The following CNTNAP2 variants were observed in gnomAD, a reference collection of about 807,000 sequenced individuals.
The protein encoded by CNTNAP2 is contactin associated protein 2.
In CNTNAP2, 98 loss-of-function variants were observed where a neutral mutation model predicts 155.2. The observed-to-expected ratio is 0.63, with a 90% confidence interval of 0.54 to 0.75. CNTNAP2 has a LOEUF of 0.75. CNTNAP2 is among the 30% of genes least tolerant of loss of function. The pLI, the probability that CNTNAP2 is intolerant of heterozygous loss-of-function variation, is 0.00. For synonymous variants in CNTNAP2, 651 were observed against 631.2 expected (o/e 1.03, Z -0.47); for missense variants, 1,727 against 1,688.1 (o/e 1.02, Z -0.40).
At position 146,849,432 on chromosome 7, in the gene CNTNAP2, T is replaced by C. The variant is rs183197680; in HGVS notation, c.402+9528T>C. Among the ~76,000 whole-genome samples the C allele has an allele frequency of 2.7e-3, 413 of 152,326 alleles. 9 individuals are homozygous for C. Among genetic ancestry groups the C allele is most frequent in the Middle Eastern group, 6.8e-3 (2 of 294 alleles). ...GGTTCAGCAAGAAGTTCCATTACTA[T>C]AATGAACCCCTGCTCATTTTGAGTA... On this transcript the variant is annotated intron_variant, in intron 3 of 23. Coordinates refer to ENST00000361727, the MANE Select transcript of CNTNAP2 (RefSeq NM_014141.6).
Position 146,945,992 on chromosome 7 carries a change from G to C in CNTNAP2, c.403-97915G>C, listed in dbSNP as rs771879193. 3.3e-5 allele frequency among the ~76,000 whole-genome samples: 5 copies of C among 152,098 alleles called. No individual in the cohort carries two copies. The East Asian group carries it at 5.8e-4, about 18-fold the overall frequency. On this transcript the variant is annotated intron_variant, in intron 3 of 23. Transcript: ENST00000361727. Reference sequence around the variant, plus strand: ...CTTCTCCAATTTAGAAGAGGGAAAGGTGGGGCCAAAGAGAGACCTTTGGTG... The same window carrying C: ...CTTCTCCAATTTAGAAGAGGGAAAGCTGGGGCCAAAGAGAGACCTTTGGTG...
intron 3 of CNTNAP2, among the ~76,000 whole-genome samples, chr7:146,903,521 A>G (rs143298050): frequency 3.3e-5 from 5 of 152,360 alleles, no homozygotes; most frequent in African/African-American, 1.2e-4. Context: ...CTTAGAAATG[A>G]CAACTTTGTT....
At chr7:146,969,477 T>A (rs1797734694) in intron 3 of CNTNAP2, among the ~76,000 whole-genome samples, 1 of 152,138 alleles carries the variant, frequency 6.6e-6, no homozygotes, top group South Asian at 2.1e-4. Flanking sequence ...AGGACTTGCT[T>A]TATGAATCTG....
chr7:146,238,809 G>A (rs552059242), intron 1 of CNTNAP2, among the ~76,000 whole-genome samples: 5 of 152,270 alleles, frequency 3.3e-5, no homozygotes, highest in East Asian at 1.9e-4. Context: ...GGGAGGCAAG[G>A]CACCTTCTTC....
chr7:147,809,785 T>C (rs892825079), intron 13 of CNTNAP2, among the ~76,000 whole-genome samples: 1 of 152,244 alleles, frequency 6.6e-6, no homozygotes, highest in Non-Finnish European at 1.5e-5. Context: ...TGAGAAAATC[T>C]ACACTGCAGA....
intron 13 of CNTNAP2, among the ~76,000 whole-genome samples, chr7:147,820,110 A>AC (rs1798339072): frequency 1.3e-5 from 2 of 152,106 alleles, no homozygotes. Flanking sequence ...TTACATATCC[A>AC]CCAGCAAAAT....
chr7:146,297,445 G>A (rs1383214684), intron 1 of CNTNAP2, among the ~76,000 whole-genome samples: 1 of 151,508 alleles, frequency 6.6e-6, no homozygotes, highest in Non-Finnish European at 1.5e-5. Flanking sequence ...GATCAAAGTA[G>A]GTAAAACCAT....
chr7:146,159,794 G>T (rs1013290805), intron 1 of CNTNAP2, among the ~76,000 whole-genome samples: 39 of 152,210 alleles, frequency 2.6e-4, no homozygotes, highest in African/African-American at 9.4e-4. Flanking sequence ...AATTATGGGA[G>T]ATTTTAACAC....
At chr7:147,445,140 A>G (rs908541600) in intron 10 of CNTNAP2, among the ~76,000 whole-genome samples, 3 of 152,198 alleles carry the variant, frequency 2.0e-5, no homozygotes, top group African/African-American at 7.2e-5. Flanking sequence ...GATTTGGGCA[A>G]GGACACAAAG....
At position 146,145,768 on chromosome 7, in the gene CNTNAP2, C is replaced by T. The variant is rs145447783; in HGVS notation, c.97+28795C>T. 5.7e-3 allele frequency among the ~76,000 whole-genome samples: 873 copies of T among 152,222 alleles called. 12 individuals carry two copies. Among genetic ancestry groups the T allele is most frequent in the African/African-American group, 0.02 (815 of 41,538 alleles). ...TCTAAAATTCAATGTATTTGTACCT[C>T]GCGTCTCTAGAAAAATTGTGTTTTA... On this transcript the variant is annotated intron_variant, in intron 1 of 23. Transcript: ENST00000361727.
intron 9 of CNTNAP2, among the ~76,000 whole-genome samples, chr7:147,376,741 A>T (rs4726850): frequency 0.16 from 24,308 of 151,820 alleles, 2,205 homozygotes; most frequent in East Asian, 0.35. Flanking sequence ...AAGAAAAAAC[A>T]TGATGCACAA....
intron 2 of CNTNAP2, among the ~76,000 whole-genome samples, chr7:146,804,106 G>A (rs2129192198): frequency 1.3e-5 from 2 of 152,166 alleles, no homozygotes; most frequent in South Asian, 4.1e-4. Context: ...TACATCTTCA[G>A]ATTATATATA....
At chr7:147,508,162 A>G (rs2116683403) in intron 11 of CNTNAP2, among the ~76,000 whole-genome samples, 1 of 152,324 alleles carries the variant, frequency 6.6e-6, no homozygotes, top group African/African-American at 2.4e-5. Flanking sequence ...CACATAGTAG[A>G]AATGTAATAA....
At chr7:147,579,216 C>T (rs1800452440) in intron 12 of CNTNAP2, among the ~76,000 whole-genome samples, 1 of 152,044 alleles carries the variant, frequency 6.6e-6, no homozygotes, top group Non-Finnish European at 1.5e-5. Flanking sequence ...GGGTGTGAAT[C>T]GTTTCCCAGA....
intron 1 of CNTNAP2, among the ~76,000 whole-genome samples, chr7:146,410,620 T>C (rs1446778562): frequency 6.6e-6 from 1 of 152,162 alleles, no homozygotes; most frequent in Non-Finnish European, 1.5e-5. Flanking sequence ...CTGGTAACAG[T>C]TATTTTTCCT....
At chr7:146,180,728 C>T (rs940933) in intron 1 of CNTNAP2, among the ~76,000 whole-genome samples, 44,000 of 151,890 alleles carry the variant, frequency 0.29, 7,215 homozygotes, top group African/African-American at 0.44. Context: ...TTCAATTTGC[C>T]GTAATGTAAT....
intron 1 of CNTNAP2, among the ~76,000 whole-genome samples, chr7:146,639,233 A>C (rs922686063): frequency 5.3e-5 from 8 of 152,222 alleles, no homozygotes; most frequent in African/African-American, 1.7e-4. Flanking sequence ...AGCTTTTAAA[A>C]TTCATGCTAT....
intron 1 of CNTNAP2, among the ~76,000 whole-genome samples, chr7:146,171,027 A>AAAAT (rs34457672): frequency 0.08 from 12,206 of 151,782 alleles, 489 homozygotes; most frequent in Middle Eastern, 0.1. Flanking sequence ...ACTCCGTCTA[A>AAAAT]AAATAAATAA....
chr7:148,209,319 C>T (rs377476018), intron 18 of CNTNAP2, among the ~76,000 whole-genome samples: 10 of 132,022 alleles, frequency 7.6e-5, no homozygotes, highest in South Asian at 7.5e-4. Flanking sequence ...TTTTTTTTAG[C>T]GACAGGGTCC....
Sources: gnomAD v4.1 joint callset for allele counts (sites outside exome capture counted in the v4.1 genomes callset) on GRCh38, gnomAD v4.1.1 for gene constraint, MANE v1.5 for transcripts, NCBI Gene and HGNC (gene_info 2026-07-23, HGNC 2026-07-21) for gene names.